The following CCSER2 variants were observed in gnomAD, a reference collection of about 807,000 sequenced individuals.
CCSER2 encodes the protein coiled-coil serine rich protein 2.
Under a neutral mutation model 92.3 loss-of-function variants are expected in CCSER2, and 46 were observed. The observed-to-expected ratio is 0.50, with a 90% CI of 0.39 to 0.64. The LOEUF is 0.64. Among genes scored for constraint, CCSER2 ranks in the 30% least tolerant of loss-of-function variants. CCSER2 has a pLI of 0.00. For synonymous variants in CCSER2, 433 were observed against 431.4 expected (o/e 1.00, Z -0.04); for missense variants, 1,244 against 1,238.9 (o/e 1.00, Z -0.06).
intron 4 of CCSER2, chr10:84,425,200 GA>G (rs1843365027): frequency 3.1e-5 from 30 of 978,844 alleles, no homozygotes; most frequent in Non-Finnish European, 3.5e-5. Context: ...ACTGCAGGCA[GA>G]TTGAAGCGTC....
chr10:84,421,110 C>A (rs543356176), intron 4 of CCSER2, among the ~76,000 whole-genome samples: 122 of 152,224 alleles, frequency 8.0e-4, no homozygotes, highest in Middle Eastern at 3.4e-3. Context: ...ATTATCATTT[C>A]ATGGAAGAAG....
intron 5 of CCSER2, among the ~76,000 whole-genome samples, chr10:84,426,367 T>G (rs1843434307): frequency 6.6e-6 from 1 of 152,228 alleles, no homozygotes; most frequent in African/African-American, 2.4e-5. Flanking sequence ...AAGTAGAGGA[T>G]AGTCTTTAAA....
intron 9 of CCSER2, among the ~76,000 whole-genome samples, chr10:84,512,832 C>T (rs1849433275): frequency 6.6e-6 from 1 of 152,098 alleles, no homozygotes; most frequent in South Asian, 2.1e-4. Context: ...AACTTTGAAA[C>T]ATTTTATTTG....
chr10:84,400,642 A>G (rs968780210), intron 3 of CCSER2, among the ~76,000 whole-genome samples: 3 of 152,068 alleles, frequency 2.0e-5, no homozygotes, highest in Non-Finnish European at 4.4e-5. Context: ...GACCAGGCAC[A>G]GTGGTGCATG....
In CCSER2 at chr10:84,372,484, C is replaced by T. The variant is rs369899642; in HGVS notation, c.1417+15C>T. The T allele has an allele frequency of 7.7e-6, 11 of 1,437,418 alleles. No individual in the cohort carries two copies. Among genetic ancestry groups the T allele is most frequent in the Non-Finnish European group, 1.0e-5 (11 of 1,064,388 alleles). 89.0% of individuals were successfully genotyped at this position (1,437,418 alleles called of 1,614,324 possible). Reference sequence around the variant, plus strand: ...AAGTGTCTCTGGTAAATATTACTTACCTTAAGTTTTTTTGCTTTCTTTTAA... The same window carrying T: ...AAGTGTCTCTGGTAAATATTACTTATCTTAAGTTTTTTTGCTTTCTTTTAA... On this transcript the variant is annotated intron_variant, in intron 2 of 9. Coordinates refer to ENST00000372088, the MANE Select transcript of CCSER2 (RefSeq NM_001284240.2).
chr10:84,417,623 A>T, intron 3 of CCSER2, 148 bp from the exon 4 acceptor site: 1 of 458,566 alleles, frequency 2.2e-6, no homozygotes. Context: ...ATCTATTTTT[A>T]TTTTTAAAAA....
In CCSER2 at chr10:84,392,826, C is replaced by T. The variant is rs546300337; in HGVS notation, c.1614+19011C>T. Reference sequence around the variant, plus strand: ...AACTAAAGATGACATCTTAATTTTGCATTGAACATTAATGTAGCGGATATA... The same window carrying T: ...AACTAAAGATGACATCTTAATTTTGTATTGAACATTAATGTAGCGGATATA... On this transcript the variant is annotated intron_variant, in intron 3 of 9. Coordinates refer to ENST00000372088, the MANE Select transcript of CCSER2 (RefSeq NM_001284240.2). Among the ~76,000 whole-genome samples the T allele has an allele frequency of 3.3e-5, 5 of 152,168 alleles. No individual in the cohort carries two copies. In the South Asian group the frequency reaches 1.0e-3, roughly 32 times the overall value.
chr10:84,459,164 C>G (rs55769472), intron 6 of CCSER2, among the ~76,000 whole-genome samples: 2 of 152,026 alleles, frequency 1.3e-5, no homozygotes, highest in Admixed American at 6.6e-5. Context: ...TGTGCCACCA[C>G]GCTTGGTTAA....
At chr10:84,434,439 A>AT (rs898974649) in intron 5 of CCSER2, among the ~76,000 whole-genome samples, 33 of 151,630 alleles carry the variant, frequency 2.2e-4, no homozygotes, top group Admixed American at 1.8e-3. Context: ...TGTTATATTG[A>AT]TTTTTTTCCC....
chr10:84,466,760 G>T (rs1354508947), intron 7 of CCSER2, among the ~76,000 whole-genome samples: 3 of 151,382 alleles, frequency 2.0e-5, no homozygotes, highest in Admixed American at 6.6e-5. Context: ...TGATCCGTCC[G>T]CCTCGGCCTC....
At chr10:84,390,730 G>A (rs145670997) in intron 3 of CCSER2, among the ~76,000 whole-genome samples, 5 of 152,176 alleles carry the variant, frequency 3.3e-5, no homozygotes, top group Admixed American at 1.3e-4. Flanking sequence ...TTCTGCCACC[G>A]TATCCTTTTC....
intron 3 of CCSER2, among the ~76,000 whole-genome samples, chr10:84,416,858 G>A (rs1842912406): frequency 6.6e-6 from 1 of 152,144 alleles, no homozygotes; most frequent in Non-Finnish European, 1.5e-5. Flanking sequence ...GTGAACCCAG[G>A]AGGCGGAGCT....
At chr10:84,472,723 G>GA (rs1564701091) in intron 8 of CCSER2, among the ~76,000 whole-genome samples, 1 of 152,098 alleles carries the variant, frequency 6.6e-6, no homozygotes, top group African/African-American at 2.4e-5. Context: ...AATGAAAGAT[G>GA]AATCTTTTTA....
chr10:84,451,191 A>G (rs1845261810), intron 6 of CCSER2, among the ~76,000 whole-genome samples: 1 of 151,390 alleles, frequency 6.6e-6, no homozygotes, highest in Non-Finnish European at 1.5e-5. Context: ...ACATAGAAAT[A>G]TGTGCTGATG....
At chr10:84,416,757 T>G (rs2133386154) in intron 3 of CCSER2, among the ~76,000 whole-genome samples, 1 of 152,010 alleles carries the variant, frequency 6.6e-6, no homozygotes, top group Non-Finnish European at 1.5e-5. Flanking sequence ...TGAAACCCCG[T>G]CTCTACCAAA....
chr10:84,418,468 A>G (rs1460685521), intron 4 of CCSER2, among the ~76,000 whole-genome samples: 1 of 152,180 alleles, frequency 6.6e-6, no homozygotes, highest in South Asian at 2.1e-4. Flanking sequence ...AGAAACCAGC[A>G]TAAAAAAGCC....
chr10:84,378,456 C>T (rs1490132018), intron 3 of CCSER2, among the ~76,000 whole-genome samples: 18 of 118,906 alleles, frequency 1.5e-4, no homozygotes, highest in Non-Finnish European at 1.7e-4. Flanking sequence ...TTTTTTGAGA[C>T]GAAGTCTCGC....
At chr10:84,384,834 T>C (rs1841101038) in intron 3 of CCSER2, among the ~76,000 whole-genome samples, 1 of 152,202 alleles carries the variant, frequency 6.6e-6, no homozygotes, top group African/African-American at 2.4e-5. Flanking sequence ...CTGTTTGTTG[T>C]TGATATGATC....
rs768605897 is a variant in CCSER2 at position 84,371,085 on chromosome 10, G to T, written c.33G>T (p.Leu11Phe). 1.9e-6 allele frequency: 3 copies of T among 1,593,488 alleles called. No individual in the cohort carries two copies. The highest frequency in any genetic ancestry group is 4.5e-5 in the East Asian group (2 of 44,670). Reference protein sequence around the residue: MEEKTQIKTFLGSKLPKYGTK... With the variant: MEEKTQIKTFFGSKLPKYGTK... ...AAAAAACACAAATCAAGACATTTTT[G>T]GGTTCCAAGTTGCCAAAGTATGGAA... Residue 11 changes from leucine (L) to phenylalanine (F), a missense_variant, in exon 2 of 10, where the codon TTG (leucine) becomes TTT (phenylalanine). By Grantham distance (22) the Leu-to-Phe change is conservative. Coordinates refer to ENST00000372088, the MANE Select transcript of CCSER2 (RefSeq NM_001284240.2).
Sources: gnomAD v4.1 joint callset for allele counts (sites outside exome capture counted in the v4.1 genomes callset) on GRCh38, gnomAD v4.1.1 for gene constraint, MANE v1.5 for transcripts, NCBI Gene and HGNC (gene_info 2026-07-23, HGNC 2026-07-21) for gene names.